OPCML: variants seen among roughly 807,000 people sequenced by gnomAD.
OPCML encodes opioid-binding protein/cell adhesion molecule.
A neutral mutation model predicts 37.8 loss-of-function variants in OPCML; 13 were observed. The observed-to-expected ratio is 0.34, with a 90% CI of 0.22 to 0.55. The LOEUF (loss-of-function observed/expected upper bound fraction) is 0.55. OPCML is among the 20% of genes least tolerant of loss of function. The pLI is 0.91. For synonymous variants in OPCML, 176 were observed against 168.8 expected, an observed-to-expected ratio of 1.04 and a Z score of -0.33; for missense variants, 341 against 435.6, an observed-to-expected ratio of 0.78 and a Z score of 1.93.
intron 2 of OPCML, among the ~76,000 whole-genome samples, chr11:132,901,233 G>A (rs1319801848): frequency 6.6e-6 from 1 of 152,062 alleles, no homozygotes; most frequent in East Asian, 1.9e-4. Context: ...TCTATCTCCA[G>A]TGTTTGCTCC....
intron 3 of OPCML, among the ~76,000 whole-genome samples, chr11:132,636,179 C>G (rs1183599829): frequency 6.6e-6 from 1 of 152,078 alleles, no homozygotes; most frequent in Non-Finnish European, 1.5e-5. Context: ...TCTAAATTAT[C>G]TGTGGATGAA....
chr11:133,498,116 G>A (rs184751222), intron 1 of OPCML, among the ~76,000 whole-genome samples: 56 of 152,304 alleles, frequency 3.7e-4, no homozygotes, highest in Admixed American at 1.4e-3. Flanking sequence ...AGAGGGTGCC[G>A]GGCAAGCGGC....
intron 1 of OPCML, among the ~76,000 whole-genome samples, chr11:132,982,685 T>C (rs906853321): frequency 1.3e-5 from 2 of 152,220 alleles, no homozygotes; most frequent in Admixed American, 1.3e-4. Flanking sequence ...TGGTCATCTC[T>C]AAAACCGTGT....
intron 3 of OPCML, among the ~76,000 whole-genome samples, chr11:132,570,851 C>T (rs1462714098): frequency 7.1e-6 from 1 of 140,116 alleles, no homozygotes; most frequent in East Asian, 2.1e-4. Flanking sequence ...TGATCAATAA[C>T]TCCCCATTTT....
At chr11:132,511,309 G>A (rs955126339) in intron 4 of OPCML, among the ~76,000 whole-genome samples, 1 of 151,978 alleles carries the variant, frequency 6.6e-6, no homozygotes, top group Non-Finnish European at 1.5e-5. Flanking sequence ...TATATTTTAA[G>A]GCTTGGAAAA....
chr11:133,323,611 C>G (rs1158181440), intron 1 of OPCML, among the ~76,000 whole-genome samples: 1 of 152,170 alleles, frequency 6.6e-6, no homozygotes, highest in African/African-American at 2.4e-5. Context: ...CTAAAGGCAA[C>G]TGACAGAACT....
chr11:132,579,648 G>A (rs1167396468), intron 3 of OPCML, among the ~76,000 whole-genome samples: 1 of 152,042 alleles, frequency 6.6e-6, no homozygotes, highest in Non-Finnish European at 1.5e-5. Flanking sequence ...GAATTCATTT[G>A]CACTCATCCC....
At chr11:132,582,792 C>T (rs906996178) in intron 3 of OPCML, among the ~76,000 whole-genome samples, 7 of 150,392 alleles carry the variant, frequency 4.7e-5, no homozygotes, top group African/African-American at 1.2e-4. Context: ...CAAAACGAAT[C>T]ATCTGCAAGA....
intron 3 of OPCML, among the ~76,000 whole-genome samples, chr11:132,548,184 TGG>T (rs34193791): frequency 6.6e-6 from 1 of 152,138 alleles, no homozygotes; most frequent in African/African-American, 2.4e-5. Context: ...CAAGCTTACC[TGG>T]GGAAGGCATA....
intron 1 of OPCML, among the ~76,000 whole-genome samples, chr11:133,459,170 C>G (rs1946800183): frequency 6.6e-6 from 1 of 151,818 alleles, no homozygotes. Context: ...ATTGTCATAA[C>G]TTTAGAATGT....
At chr11:132,656,354 G>C (rs984748389) in intron 3 of OPCML, among the ~76,000 whole-genome samples, 1 of 152,092 alleles carries the variant, frequency 6.6e-6, no homozygotes, top group Non-Finnish European at 1.5e-5. Context: ...CCCCATTTTT[G>C]AGGTGTAATA....
intron 2 of OPCML, among the ~76,000 whole-genome samples, chr11:132,928,253 T>C (rs1366855894): frequency 6.6e-6 from 1 of 151,988 alleles, no homozygotes; most frequent in South Asian, 2.1e-4. Flanking sequence ...TAGATTTAAA[T>C]GCACACATAG....
At chr11:132,836,662 T>C (rs73041427) in intron 2 of OPCML, among the ~76,000 whole-genome samples, 16,717 of 152,254 alleles carry the variant, frequency 0.11, 1,244 homozygotes, top group Non-Finnish European at 0.16. Flanking sequence ...TAATATTTGT[T>C]CTATATTAAT....
intron 1 of OPCML, among the ~76,000 whole-genome samples, chr11:133,463,140 C>CAAAA (rs1565648450): frequency 1.5e-4 from 17 of 109,900 alleles, no homozygotes; most frequent in African/African-American, 5.8e-4. Context: ...AAAAAAAAAT[C>CAAAA]AAAAAAACCT....
At position 133,127,728 on chromosome 11, in the gene OPCML, A is replaced by T. The variant is rs184009111; in HGVS notation, c.62-184718T>A. ...CTAGGGATATAAATGTGAACAAAAC[A>T]AATTGCTGTCATCACAATTTATCAT... On this transcript the variant is annotated intron_variant, in intron 1 of 7. Transcript: ENST00000524381. Among the ~76,000 whole-genome samples, 190 of 152,246 alleles carry T rather than the reference A, an allele frequency of 1.2e-3. 4 individuals are homozygous for T. Among genetic ancestry groups the T allele is most frequent in the Admixed American group, 0.011 (171 of 15,292 alleles).
At chr11:133,254,490 G>A (rs774519359) in intron 1 of OPCML, among the ~76,000 whole-genome samples, 4 of 152,198 alleles carry the variant, frequency 2.6e-5, no homozygotes, top group Admixed American at 6.5e-5. Flanking sequence ...AACCCGGGAA[G>A]GCAAAAGATA....
chr11:132,950,662 G>C (rs1025469283), intron 1 of OPCML, among the ~76,000 whole-genome samples: 1 of 152,164 alleles, frequency 6.6e-6, no homozygotes, highest in African/African-American at 2.4e-5. Flanking sequence ...AAGCTCTGCT[G>C]TGTGCATTTT....
intron 4 of OPCML, among the ~76,000 whole-genome samples, chr11:132,513,398 T>C (rs150749581): frequency 2.0e-4 from 31 of 152,314 alleles, no homozygotes; most frequent in African/African-American, 7.5e-4. Context: ...CTTTGAAGAT[T>C]TGAATACAGA....
At chr11:132,687,354 C>A (rs1297169409) in intron 2 of OPCML, among the ~76,000 whole-genome samples, 1 of 103,068 alleles carries the variant, frequency 9.7e-6, no homozygotes, top group African/African-American at 4.1e-5. Context: ...ATATAAACTG[C>A]TCTGCCTTAA....
Sources: allele counts gnomAD v4.1 joint callset (sites outside exome capture counted in the v4.1 genomes callset), GRCh38; gene constraint gnomAD v4.1.1; transcripts MANE v1.5; gene names NCBI Gene and HGNC (gene_info 2026-07-23, HGNC 2026-07-21).